Variants in GHR observed in about 807,000 individuals in gnomAD.
The protein encoded by GHR is growth hormone receptor.
In GHR, 35 loss-of-function variants were observed where a neutral mutation model predicts 67.1. The ratio of observed to expected loss-of-function variants is 0.52; its 90% confidence interval spans 0.40 to 0.69. GHR has a LOEUF of 0.69. Among genes scored for constraint, GHR ranks in the 30% least tolerant of loss-of-function variants. GHR has a pLI of 0.00. For synonymous variants in GHR, 272 were observed against 269.1 expected (o/e 1.01, Z -0.10); for missense variants, 792 against 764.6 (o/e 1.04, Z -0.42).
intron 5 of GHR, among the ~76,000 whole-genome samples, chr5:42,699,008 T>G (rs1028310631): frequency 6.6e-6 from 1 of 152,200 alleles, no homozygotes; most frequent in Non-Finnish European, 1.5e-5. Flanking sequence ...CAATAGAACC[T>G]GAGGAAAACA....
At chr5:42,611,381 G>GCACAAA (rs1250895698) in intron 2 of GHR, among the ~76,000 whole-genome samples, 2 of 152,068 alleles carry the variant, frequency 1.3e-5, no homozygotes, top group Non-Finnish European at 2.9e-5. Context: ...ACTTTATCCT[G>GCACAAA]TATTTCAATT....
intron 3 of GHR, among the ~76,000 whole-genome samples, chr5:42,662,595 C>T (rs1755708346): frequency 6.6e-6 from 1 of 152,134 alleles, no homozygotes; most frequent in Admixed American, 6.5e-5. Context: ...CTCTGGGACG[C>T]ATTCAAAGCA....
chr5:42,482,783 C>T (rs1431906416), intron 1 of GHR, among the ~76,000 whole-genome samples: 1 of 152,148 alleles, frequency 6.6e-6, no homozygotes, highest in Admixed American at 6.5e-5. Flanking sequence ...CGTCTGTCAC[C>T]CCTTTCTTTG....
At chr5:42,645,385 C>T (rs141529695) in intron 3 of GHR, among the ~76,000 whole-genome samples, 19 of 152,310 alleles carry the variant, frequency 1.2e-4, no homozygotes, top group Non-Finnish European at 2.2e-4. Flanking sequence ...GATTCCAAGA[C>T]TCTTTGGCCA....
chr5:42,523,561 G>A (rs1747568178), intron 1 of GHR, among the ~76,000 whole-genome samples: 1 of 152,008 alleles, frequency 6.6e-6, no homozygotes, highest in Middle Eastern at 3.2e-3. Flanking sequence ...TATAAGGTGG[G>A]GAACTTAATC....
intron 2 of GHR, among the ~76,000 whole-genome samples, chr5:42,584,313 A>T (rs574652164): frequency 7.2e-5 from 11 of 152,156 alleles, no homozygotes; most frequent in Non-Finnish European, 1.3e-4. Context: ...TCTCTGCATA[A>T]TCTCCAATTA....
At chr5:42,603,318 G>A (rs1031355574) in intron 2 of GHR, among the ~76,000 whole-genome samples, 2 of 152,162 alleles carry the variant, frequency 1.3e-5, no homozygotes, top group Admixed American at 1.3e-4. Context: ...CAATTATAAT[G>A]TGTCCTGGCG....
chr5:42,627,342 C>A (rs1753754324), intron 2 of GHR, among the ~76,000 whole-genome samples: 1 of 152,006 alleles, frequency 6.6e-6, no homozygotes. Context: ...AGGCGTGAGA[C>A]CAAAAGTAAT....
chr5:42,532,496 A>G (rs1748019738), intron 1 of GHR, among the ~76,000 whole-genome samples: 1 of 152,150 alleles, frequency 6.6e-6, no homozygotes, highest in Non-Finnish European at 1.5e-5. Flanking sequence ...TTCGTAAAGA[A>G]ACAAATTGTA....
At chr5:42,534,048 A>ATATGTATGTATATATATGTACGTATG (rs1748097656) in intron 1 of GHR, among the ~76,000 whole-genome samples, 4 of 150,352 alleles carry the variant, frequency 2.7e-5, no homozygotes, top group Non-Finnish European at 5.9e-5. Flanking sequence ...TATATATAGT[A>ATATGTATGTATATATATGTACGTATG]TATGTATGTA....
chr5:42,546,394 G>T (rs186963860), intron 1 of GHR, among the ~76,000 whole-genome samples: 5 of 152,246 alleles, frequency 3.3e-5, no homozygotes, highest in Non-Finnish European at 2.9e-5. Context: ...CAGTGGTCCA[G>T]CCCATCAGCA....
At position 42,688,881 on chromosome 5, in the gene GHR, A is replaced by T. The variant is rs747168274; in HGVS notation, c.137-9A>T. 2 of 1,613,384 alleles carry T rather than the reference A, an allele frequency of 1.2e-6. No individual in the cohort carries two copies. The highest frequency in any genetic ancestry group is 1.7e-6 in the Non-Finnish European group (2 of 1,179,408). ...ATTTCATGCCTTGCCTTTTCTTTTTATTCTGCAGATTCTTCTAAGGAGCCT... is the reference window on the plus strand; with the variant it reads ...ATTTCATGCCTTGCCTTTTCTTTTTTTTCTGCAGATTCTTCTAAGGAGCCT... On this transcript the variant is annotated splice_polypyrimidine_tract_variant and intron_variant, in intron 3 of 9. Transcript: ENST00000230882.
intron 1 of GHR, among the ~76,000 whole-genome samples, chr5:42,556,635 CT>C (rs1288171085): frequency 6.6e-6 from 1 of 152,190 alleles, no homozygotes; most frequent in East Asian, 1.9e-4. Flanking sequence ...AAGGAATATA[CT>C]GTTCAAATAA....
intron 2 of GHR, among the ~76,000 whole-genome samples, chr5:42,584,115 A>T (rs1751346770): frequency 6.6e-6 from 1 of 152,132 alleles, no homozygotes; most frequent in East Asian, 1.9e-4. Flanking sequence ...ACTAGAACTC[A>T]GGTCTGGCTG....
intron 1 of GHR, among the ~76,000 whole-genome samples, chr5:42,489,115 C>T (rs558741262): frequency 7.9e-5 from 12 of 152,124 alleles, no homozygotes; most frequent in Non-Finnish European, 1.3e-4. Context: ...CTGCCCTATA[C>T]GTATCTGCTC....
chr5:42,425,145 G>A, intron 1 of GHR: 2 of 414,198 alleles, frequency 4.8e-6, no homozygotes, highest in Non-Finnish European at 6.5e-6. Context: ...CTGAGGACTG[G>A]AAGTGAGGTT....
intron 7 of GHR, among the ~76,000 whole-genome samples, chr5:42,711,771 G>A (rs1758472026): frequency 6.6e-6 from 1 of 152,072 alleles, no homozygotes; most frequent in South Asian, 2.1e-4. Flanking sequence ...GTATCTATAT[G>A]GATGGATAGA....
At chr5:42,466,461 T>A (rs757341890) in intron 1 of GHR, among the ~76,000 whole-genome samples, 5 of 152,184 alleles carry the variant, frequency 3.3e-5, no homozygotes, top group Non-Finnish European at 7.4e-5. Context: ...CCTTACCTAG[T>A]CACCACTTAA....
In GHR at chr5:42,588,526, CAAAAAAAAAA is replaced by C. The variant is rs10716908; in HGVS notation, c.70+22598_70+22607del. On this transcript the variant is annotated intron_variant, in intron 2 of 9. Transcript: ENST00000230882. The stretch of plus-strand genomic sequence containing the variant: ...GGGCAGCAAAAGCGAAACTCCATCT[CAAAAAAAAAA>C]AAAAAAAAAAAAAAAGTGACCTATA... 6.6e-5 allele frequency among the ~76,000 whole-genome samples: 3 copies of C among 45,142 alleles called. 1 individual carries two copies. Among genetic ancestry groups the C allele is most frequent in the Non-Finnish European group, 1.2e-4 (3 of 24,260 alleles). The allele number at this position is 45,142 out of a possible 152,430, so 29.6% of individuals were successfully genotyped here.
Sources: allele counts gnomAD v4.1 joint callset (sites outside exome capture counted in the v4.1 genomes callset), GRCh38; gene constraint gnomAD v4.1.1; transcripts MANE v1.5; gene names NCBI Gene and HGNC (gene_info 2026-07-23, HGNC 2026-07-21).